The following CDKL1 variants were observed in gnomAD, a reference collection of about 807,000 sequenced individuals.
CDKL1 encodes the protein cyclin dependent kinase like 1, also known as cyclin-dependent kinase-like 1.
CDKL1 carries 41 observed loss-of-function variants against 42.0 expected under a neutral mutation model. The observed-to-expected ratio is 0.98, with a 90% CI of 0.76 to 1.27. The LOEUF is 1.27. Ranked by LOEUF, CDKL1 falls within the 50% of genes most tolerant of loss-of-function variation. The pLI is 0.00. For synonymous variants in CDKL1, 153 were observed against 158.6 expected (o/e 0.96, Z 0.26); for missense variants, 394 against 428.4 (o/e 0.92, Z 0.71).
chr14:50,342,261 G>T, intron 4 of CDKL1, 39 bp from the exon 5 acceptor site: 1 of 1,560,858 alleles, frequency 6.4e-7, no homozygotes, highest in South Asian at 1.1e-5. Flanking sequence ...TATTAAGGCT[G>T]AACTATATAT....
At chr14:50,381,751 GTTTT>G (rs970650534) in intron 2 of CDKL1, among the ~76,000 whole-genome samples, 17 of 113,840 alleles carry the variant, frequency 1.5e-4, no homozygotes, top group Admixed American at 1.3e-3. Context: ...ATTCTGTGTG[GTTTT>G]TTGTTTGTTT....
chr14:50,380,389 GTA>G (rs2034870181), intron 2 of CDKL1, among the ~76,000 whole-genome samples: 1 of 151,972 alleles, frequency 6.6e-6, no homozygotes, highest in African/African-American at 2.4e-5. Flanking sequence ...GCCAGATATG[GTA>G]TCTTTCCTGG....
chr14:50,375,153 A>C (rs1458330781), intron 2 of CDKL1, among the ~76,000 whole-genome samples: 1 of 152,248 alleles, frequency 6.6e-6, no homozygotes, highest in Non-Finnish European at 1.5e-5. Context: ...GAAATATATA[A>C]GATGAACATG....
At chr14:50,352,553 C>G (rs150814389) in intron 3 of CDKL1, among the ~76,000 whole-genome samples, 2 of 152,014 alleles carry the variant, frequency 1.3e-5, no homozygotes, top group African/African-American at 4.8e-5. Flanking sequence ...ACATAATAAA[C>G]TTAATGTAAT....
chr14:50,343,844 C>G (rs2033637377), intron 4 of CDKL1, among the ~76,000 whole-genome samples: 1 of 152,216 alleles, frequency 6.6e-6, no homozygotes, highest in Admixed American at 6.5e-5. Flanking sequence ...CCACTCTCCC[C>G]TGTGTATTAC....
At chr14:50,364,413 G>A (rs2139469445) in intron 2 of CDKL1, among the ~76,000 whole-genome samples, 1 of 152,276 alleles carries the variant, frequency 6.6e-6, no homozygotes, top group South Asian at 2.1e-4. Flanking sequence ...AGGTTGCAGT[G>A]AGCCCAGATT....
At chr14:50,332,071 C>G (rs754902118) in intron 9 of CDKL1, 191 bp downstream of exon 9, 2 of 1,552,830 alleles carry the variant, frequency 1.3e-6, no homozygotes, top group South Asian at 1.2e-5. Context: ...AGGACAAGGG[C>G]ACCTTTAGGA....
chr14:50,382,470 T>C (rs867046888), intron 2 of CDKL1, among the ~76,000 whole-genome samples: 2 of 152,012 alleles, frequency 1.3e-5, no homozygotes, highest in African/African-American at 2.4e-5. Flanking sequence ...TTTTTTTTTT[T>C]CAAAAATTTA....
chr14:50,345,831 A>G (rs2033707305), intron 3 of CDKL1, among the ~76,000 whole-genome samples: 1 of 152,206 alleles, frequency 6.6e-6, no homozygotes, highest in African/African-American at 2.4e-5. Flanking sequence ...CACTGCTCCC[A>G]GTACTTCTTC....
At chr14:50,348,759 T>C (rs928933779) in intron 3 of CDKL1, among the ~76,000 whole-genome samples, 1 of 152,042 alleles carries the variant, frequency 6.6e-6, no homozygotes, top group Non-Finnish European at 1.5e-5. Flanking sequence ...AAGCCTCTAA[T>C]AAGAAAGTAG....
At chr14:50,397,032 C>A, upstream of CDKL1, 1 of 1,263,394 alleles carries the variant, frequency 7.9e-7, no homozygotes, top group Non-Finnish European at 1.0e-6. Flanking sequence ...GGAGGGCCGC[C>A]CTCCGTCCAT....
At position 50,326,884 on chromosome 14, in the gene CDKL1, T is replaced by C; in HGVS notation, c.*3190A>G. The C allele has an allele frequency of 2.3e-6, 1 of 429,140 alleles. No homozygotes were observed. The highest frequency in any genetic ancestry group is 3.1e-6 in the Non-Finnish European group (1 of 322,236). The allele number at this position is 429,140 out of a possible 1,614,324, so 26.6% of individuals were successfully genotyped here. On this transcript the variant is annotated 3_prime_UTR_variant, in exon 10 of 10. Coordinates refer to ENST00000395834, the MANE Select transcript of CDKL1 (RefSeq NM_004196.7). ...AGTGAGACCCCATCTCTAAAAAAAT[T>C]TTAAAAATTAGGCAGGCATGGTGGT...
At chr14:50,375,211 A>G (rs2034696710) in intron 2 of CDKL1, among the ~76,000 whole-genome samples, 1 of 152,214 alleles carries the variant, frequency 6.6e-6, no homozygotes, top group African/African-American at 2.4e-5. Flanking sequence ...AACCCAAACC[A>G]AAGCAAACCC....
chr14:50,356,610 T>C (rs2034065110), intron 3 of CDKL1, among the ~76,000 whole-genome samples: 2 of 152,180 alleles, frequency 1.3e-5, no homozygotes, highest in Non-Finnish European at 2.9e-5. Flanking sequence ...TTCTCACTTA[T>C]AAGTGGGAGC....
chr14:50,372,087 A>G (rs2034606145), intron 2 of CDKL1, among the ~76,000 whole-genome samples: 1 of 152,118 alleles, frequency 6.6e-6, no homozygotes, highest in African/African-American at 2.4e-5. Flanking sequence ...TGAGTGTATT[A>G]TATGTTTTGG....
At chr14:50,388,231 TGAAGAGCA>T (rs1423938555) in intron 2 of CDKL1, among the ~76,000 whole-genome samples, 1 of 152,252 alleles carries the variant, frequency 6.6e-6, no homozygotes, top group Admixed American at 6.5e-5. Context: ...AACTAATATT[TGAAGAGCA>T]GAAGCCCTTC....
intron 3 of CDKL1, among the ~76,000 whole-genome samples, chr14:50,349,740 T>C (rs1233584820): frequency 5.0e-5 from 4 of 80,054 alleles, no homozygotes; most frequent in Non-Finnish European, 4.9e-5. Context: ...CTCTCTTGTC[T>C]TTTTGTTGTT....
At chr14:50,332,699 GAGTA>G in intron 8 of CDKL1, 1 of 1,532,298 alleles carries the variant, frequency 6.5e-7, no homozygotes, top group Non-Finnish European at 8.7e-7. Context: ...TGCCCTGGGA[GAGTA>G]AGATATAATT....
At chr14:50,362,979 T>C in intron 2 of CDKL1, 1 of 466,046 alleles carries the variant, frequency 2.1e-6, no homozygotes, top group African/African-American at 2.0e-5. Context: ...CGCACTGCTG[T>C]AACACTTATG....
Sources: allele counts gnomAD v4.1 joint callset (sites outside exome capture counted in the v4.1 genomes callset), GRCh38; gene constraint gnomAD v4.1.1; transcripts MANE v1.5; gene names NCBI Gene and HGNC (gene_info 2026-07-23, HGNC 2026-07-21).